The following TRAPPC9 variants were observed in gnomAD, a reference collection of about 807,000 sequenced individuals.
TRAPPC9 encodes the protein IKK2 binding protein.
In TRAPPC9, 83 loss-of-function variants were observed where a neutral mutation model predicts 124.0. The ratio of observed to expected loss-of-function variants is 0.67; its 90% CI spans 0.56 to 0.80. The LOEUF is 0.80. Among genes scored for constraint, TRAPPC9 ranks in the 30% least tolerant of loss-of-function variants. The probability of loss-of-function intolerance (pLI) is 0.00; values close to 1 mark genes in which losing one functional copy is unlikely to be tolerated. For synonymous variants in TRAPPC9, 638 were observed against 617.5 expected, an observed-to-expected ratio of 1.03 and a Z score of -0.49; for missense variants, 1,302 against 1,508.3, an observed-to-expected ratio of 0.86 and a Z score of 2.27.
chr8:140,394,598 C>A (rs1471866054), intron 7 of TRAPPC9, among the ~76,000 whole-genome samples: 1 of 152,198 alleles, frequency 6.6e-6, no homozygotes, highest in East Asian at 1.9e-4. Context: ...AGCTTAGATT[C>A]CTTCAGGGAT....
chr8:140,185,691 G>C (rs927388713), intron 17 of TRAPPC9, among the ~76,000 whole-genome samples: 7 of 152,242 alleles, frequency 4.6e-5, no homozygotes, highest in African/African-American at 1.7e-4. Context: ...CCACCAGCGA[G>C]GGGCGGGGAC....
At chr8:140,079,593 C>T (rs566716377) in intron 17 of TRAPPC9, among the ~76,000 whole-genome samples, 1 of 152,158 alleles carries the variant, frequency 6.6e-6, no homozygotes, top group Non-Finnish European at 1.5e-5. Context: ...CACTTTATAA[C>T]TACAGTGGCA....
chr8:139,777,617 A>G (rs561448956), intron 21 of TRAPPC9, among the ~76,000 whole-genome samples: 2 of 152,372 alleles, frequency 1.3e-5, no homozygotes, highest in South Asian at 4.1e-4. Flanking sequence ...TATGTTGGTG[A>G]AACAAAATCT....
chr8:140,087,033 C>T lies in TRAPPC9; in HGVS notation c.2557-62954G>A, dbSNP rs1196403698. Among the ~76,000 whole-genome samples the T allele has an allele frequency of 2.6e-5, 4 of 152,140 alleles. No individual in the cohort carries two copies. ...AGAGCTCCTGCAAGCACTGCCTGCT[C>T]GGGCTGGCTCTACTTCTTGCCACCG... On this transcript the variant is annotated intron_variant, in intron 17 of 22. Coordinates refer to ENST00000438773, the MANE Select transcript of TRAPPC9 (RefSeq NM_001160372.4). The surrounding 1 kb of genome is among the most constrained non-coding windows in gnomAD (Gnocchi z 4.6).
chr8:139,886,002 C>G, intron 20 of TRAPPC9, 33 bp from the exon 21 acceptor site: 1 of 1,545,138 alleles, frequency 6.5e-7, no homozygotes, highest in South Asian at 1.2e-5. Flanking sequence ...GCAACTCCTG[C>G]GGAGCCCAGG....
intron 5 of TRAPPC9, among the ~76,000 whole-genome samples, chr8:140,419,448 A>AAAAAAAAAAC (rs1554683879): frequency 8.0e-4 from 76 of 94,740 alleles, no homozygotes; most frequent in East Asian, 3.7e-3. Flanking sequence ...AAAAAAAAAA[A>AAAAAAAAAAC]AAAACAAAAC....
chr8:139,826,599 G>A (rs1437038802), intron 21 of TRAPPC9, among the ~76,000 whole-genome samples: 2 of 152,242 alleles, frequency 1.3e-5, no homozygotes, highest in Non-Finnish European at 2.9e-5. Flanking sequence ...GACCTTGCCA[G>A]GCCACATGGG....
chr8:139,885,627 C>T (rs1018633474), intron 21 of TRAPPC9, among the ~76,000 whole-genome samples: 7 of 152,254 alleles, frequency 4.6e-5, no homozygotes, highest in African/African-American at 1.4e-4. Context: ...TTTCAACGGG[C>T]GATGAGCCCT....
At chr8:140,325,778 A>G (rs545660601) in intron 9 of TRAPPC9, among the ~76,000 whole-genome samples, 2 of 152,330 alleles carry the variant, frequency 1.3e-5, no homozygotes, top group Admixed American at 1.3e-4. Flanking sequence ...CAACCCTGAC[A>G]CCAAAACCTG....
At chr8:140,166,773 C>A (rs1456329310) in intron 17 of TRAPPC9, among the ~76,000 whole-genome samples, 2 of 152,236 alleles carry the variant, frequency 1.3e-5, no homozygotes, top group Non-Finnish European at 2.9e-5. Flanking sequence ...ACTTGCCTAT[C>A]CGTCTTTTTC....
intron 21 of TRAPPC9, among the ~76,000 whole-genome samples, chr8:139,751,795 A>T (rs11166923): frequency 0.24 from 36,787 of 150,572 alleles, 6,366 homozygotes; most frequent in African/African-American, 0.5. Context: ...TGCCCCTTTG[A>T]TTTTATTGGC....
chr8:140,126,691 C>T (rs960068293), intron 17 of TRAPPC9, among the ~76,000 whole-genome samples: 2 of 152,192 alleles, frequency 1.3e-5, no homozygotes, highest in African/African-American at 2.4e-5. Context: ...TTAGCCAGAG[C>T]ATAAGTAGCG....
intron 21 of TRAPPC9, among the ~76,000 whole-genome samples, chr8:139,835,292 T>C (rs900913491): frequency 7.2e-5 from 11 of 152,246 alleles, no homozygotes; most frequent in African/African-American, 2.7e-4. Flanking sequence ...GTGTTTTACA[T>C]ACTGCGTTGT....
intron 5 of TRAPPC9, among the ~76,000 whole-genome samples, chr8:140,415,455 T>C (rs1319803459): frequency 6.7e-6 from 1 of 149,400 alleles, no homozygotes; most frequent in East Asian, 2.0e-4. Context: ...CTCGGAAAGC[T>C]GAGGCAGGAG....
At chr8:140,235,015 G>A (rs1411792277) in intron 16 of TRAPPC9, among the ~76,000 whole-genome samples, 3 of 152,126 alleles carry the variant, frequency 2.0e-5, no homozygotes, top group Non-Finnish European at 2.9e-5. Flanking sequence ...TTGTTGCCCA[G>A]GAGGGAGTGC....
chr8:140,312,443 A>G (rs886776234), intron 9 of TRAPPC9, among the ~76,000 whole-genome samples: 1 of 152,228 alleles, frequency 6.6e-6, no homozygotes, highest in African/African-American at 2.4e-5. Flanking sequence ...GTTTGCCTGC[A>G]GTAAGAGGAG....
At chr8:139,996,178 A>G (rs1270571708) in intron 18 of TRAPPC9, among the ~76,000 whole-genome samples, 56 of 147,384 alleles carry the variant, frequency 3.8e-4, no homozygotes, top group African/African-American at 1.3e-3. Flanking sequence ...AAAAAAAAAA[A>G]AAAAGAAAGG....
chr8:139,796,030 G>C (rs1415182161), intron 21 of TRAPPC9, among the ~76,000 whole-genome samples: 2 of 149,574 alleles, frequency 1.3e-5, no homozygotes, highest in Non-Finnish European at 3.0e-5. Context: ...AGGAGGAAGA[G>C]GAGGAGGAAG....
chr8:140,372,967 T>C (rs2068325079), intron 7 of TRAPPC9, among the ~76,000 whole-genome samples: 1 of 152,172 alleles, frequency 6.6e-6, no homozygotes, highest in Non-Finnish European at 1.5e-5. Context: ...CCAAATGCCT[T>C]CACGGGCATG....
Sources: allele counts gnomAD v4.1 joint callset (sites outside exome capture counted in the v4.1 genomes callset), GRCh38; gene constraint gnomAD v4.1.1; non-coding constraint Gnocchi (gnomAD v3.1); transcripts MANE v1.5; gene names NCBI Gene and HGNC (gene_info 2026-07-23, HGNC 2026-07-21).